Variants in MYO7B observed in about 807,000 individuals in gnomAD.
The protein encoded by MYO7B is unconventional myosin-VIIb.
In MYO7B, 212 loss-of-function variants were observed where a neutral mutation model predicts 259.7. That is an observed-to-expected ratio of 0.82 (90% CI 0.73 to 0.91). The LOEUF is 0.91. Among genes scored for constraint, MYO7B ranks in the 40% least tolerant of loss-of-function variants. The pLI, the probability that MYO7B is intolerant of heterozygous loss-of-function variation, is 0.00. For synonymous variants in MYO7B, 1,197 were observed against 1,166.4 expected (o/e 1.03, Z -0.54); for missense variants, 2,732 against 2,813.5 (o/e 0.97, Z 0.66).
rs190541461 is a variant in MYO7B, at chr2:127,581,485, C to T, written c.1081-406C>T. Among the ~76,000 whole-genome samples the T allele has an allele frequency of 9.1e-4, 139 of 152,328 alleles. 1 individual carries two copies. The highest frequency in any genetic ancestry group is 7.6e-3 in the Admixed American group (117 of 15,308). ...TGCTATTAACATTCTTCTTTTGGTT[C>T]GAGGGTACTCAGAAACTCTGGGTTT... On this transcript the variant is annotated intron_variant, in intron 10 of 47. Coordinates refer to ENST00000409816, the MANE Select transcript of MYO7B (RefSeq NM_001393586.1).
intron 1 of MYO7B, among the ~76,000 whole-genome samples, chr2:127,552,337 C>G (rs147045315): frequency 6.6e-6 from 1 of 152,114 alleles, no homozygotes; most frequent in African/African-American, 2.4e-5. Flanking sequence ...GGAAATGAAG[C>G]CAGGAGGTGG....
At chr2:127,545,483 C>T (rs984744901) in intron 1 of MYO7B, among the ~76,000 whole-genome samples, 4 of 152,214 alleles carry the variant, frequency 2.6e-5, no homozygotes, top group African/African-American at 9.6e-5. Flanking sequence ...AGTTACCTAG[C>T]CTCGAGCAGC....
chr2:127,623,090 G>C, intron 28 of MYO7B, 112 bp from the exon 29 acceptor site: 1 of 1,323,316 alleles, frequency 7.6e-7, no homozygotes, highest in Non-Finnish European at 1.0e-6. Flanking sequence ...GAACCCACGG[G>C]ATGGCAAGCA....
intron 29 of MYO7B, among the ~76,000 whole-genome samples, chr2:127,623,891 G>A (rs1464838669): frequency 6.6e-6 from 1 of 152,234 alleles, no homozygotes; most frequent in African/African-American, 2.4e-5. Flanking sequence ...TGCAGGGAGA[G>A]TAATGGGGAG....
rs1206226435 is a variant in MYO7B, at chr2:127,585,865, A to C, written c.1690+952A>C. The stretch of plus-strand genomic sequence containing the variant: ...TTTCATATGCTTCTTGGCCATTTGC[A>C]CGTCTTCTTTGGAGGGATGTCTATT... On this transcript the variant is annotated intron_variant, in intron 14 of 47. Coordinates refer to ENST00000409816, the MANE Select transcript of MYO7B (RefSeq NM_001393586.1). This position sits in a 1 kb window ranked among gnomAD's most constrained non-coding sequence, Gnocchi z 4.3. Among the ~76,000 whole-genome samples, 4 of 152,308 alleles carry C rather than the reference A, an allele frequency of 2.6e-5. No individual in the cohort carries two copies. The East Asian group carries it at 5.8e-4, about 22-fold the overall frequency.
At chr2:127,560,057 C>T (rs1468290084) in intron 2 of MYO7B, among the ~76,000 whole-genome samples, 2 of 147,024 alleles carry the variant, frequency 1.4e-5, no homozygotes, top group African/African-American at 5.1e-5. Context: ...GACAGGGTCT[C>T]ACTCTGTCAC....
Position 127,605,831 on chromosome 2 carries a change from A to C in MYO7B, c.2340-13A>C, listed in dbSNP as rs746567354. The C allele has an allele frequency of 5.0e-6, 8 of 1,612,700 alleles. No individual in the cohort carries two copies. The highest frequency in any genetic ancestry group is 2.2e-5 in the South Asian group (2 of 90,786). Reference sequence around the variant, plus strand: ...GGATTGTTACATGTGTGTGGCTTGCATTGCCCTTCTAGGAAGGAGTTCCTG... The same window carrying C: ...GGATTGTTACATGTGTGTGGCTTGCCTTGCCCTTCTAGGAAGGAGTTCCTG... On this transcript the variant is annotated splice_polypyrimidine_tract_variant and intron_variant, in intron 19 of 47. Transcript: ENST00000409816.
intron 1 of MYO7B, among the ~76,000 whole-genome samples, chr2:127,548,931 TCC>T (rs113830821): frequency 0.029 from 4,359 of 152,298 alleles, 212 homozygotes; most frequent in African/African-American, 0.099. Context: ...CTAGTTTAAT[TCC>T]ATTGTGGTCA....
chr2:127,584,059 C>A lies in MYO7B; in HGVS notation c.1344-63C>A. 1 of 1,476,740 alleles carries A rather than the reference C, an allele frequency of 6.8e-7. No individual in the cohort carries two copies. Among genetic ancestry groups the A allele is most frequent in the Non-Finnish European group, 9.3e-7 (1 of 1,077,600 alleles). 91.5% of individuals were successfully genotyped at this position (1,476,740 alleles called of 1,614,324 possible). A position where few individuals can be genotyped will look rare whatever the true frequency, so the allele number is the denominator to read the frequency against. ...ATGGCTGGTGATCCTATGGCTCCAG[C>A]CTGCTGCAGCGGGGACTCAGCTGGC... is the stretch of plus-strand genomic sequence containing the variant. On this transcript the variant is annotated intron_variant, in intron 12 of 47. Transcript: ENST00000409816. This position sits in a 1 kb window ranked among gnomAD's most constrained non-coding sequence, Gnocchi z 5.8.
chr2:127,621,917 G>A, intron 27 of MYO7B, 65 bp from the exon 28 acceptor site: 2 of 1,549,154 alleles, frequency 1.3e-6, no homozygotes, highest in Non-Finnish European at 1.7e-6. Flanking sequence ...GTCCACCTGG[G>A]TGGTGAGTAG....
At chr2:127,538,076 G>T (rs772527416) in intron 1 of MYO7B, among the ~76,000 whole-genome samples, 17 of 152,140 alleles carry the variant, frequency 1.1e-4, no homozygotes, top group Admixed American at 2.0e-4. Context: ...CAGAGGAGGC[G>T]GTCCTGGGGC....
At chr2:127,635,946 C>T in intron 44 of MYO7B, 39 bp downstream of exon 44, 2 of 1,542,966 alleles carry the variant, frequency 1.3e-6, no homozygotes, top group Non-Finnish European at 1.8e-6. Flanking sequence ...TGTGCTGCTG[C>T]TCCTCCCTGG....
chr2:127,615,352 AC>A lies in MYO7B; in HGVS notation c.3398+2750del. Among the ~76,000 whole-genome samples the A allele has an allele frequency of 6.6e-6, 1 of 152,236 alleles. No individual in the cohort carries two copies. ...CTTGAGACCATCGTTATGAGACAGA[AC>A]AAAGGGGGATGAACGTAGAAATGAA... On this transcript the variant is annotated intron_variant, in intron 26 of 47. Coordinates refer to ENST00000409816, the MANE Select transcript of MYO7B (RefSeq NM_001393586.1). This position sits in a 1 kb window ranked among gnomAD's most constrained non-coding sequence, Gnocchi z 4.4.
chr2:127,626,735 C>T lies in MYO7B; in HGVS notation c.4216-240C>T, dbSNP rs1231074974. 7.0e-6 allele frequency: 3 copies of T among 428,774 alleles called. No individual in the cohort carries two copies. In the East Asian group the frequency reaches 1.4e-4, roughly 20 times the overall value. The allele number at this position is 428,774 out of a possible 1,614,324, so 26.6% of individuals were successfully genotyped here. ...CGGAGCTTGCGGTGAGCCAAGATCGCACCACTGCACTCCAGCCTGGGTGAC... is the reference window on the plus strand; with the variant it reads ...CGGAGCTTGCGGTGAGCCAAGATCGTACCACTGCACTCCAGCCTGGGTGAC... On this transcript the variant is annotated intron_variant, in intron 31 of 47. Transcript: ENST00000409816.
rs1680285942 is a variant in MYO7B at position 127,609,347 on chromosome 2, A to C, written c.2815-159A>C. On this transcript the variant is annotated intron_variant, in intron 22 of 47. Transcript: ENST00000409816. This position sits in a 1 kb window ranked among gnomAD's most constrained non-coding sequence, Gnocchi z 6.9. ...GCCCTGTGCTGGCACACGGCAGCCC[A>C]CCTGAGCCCACTGAATGTGGGGATG... Among the ~76,000 whole-genome samples, 1 of 152,056 alleles carries C rather than the reference A, an allele frequency of 6.6e-6. No individual in the cohort carries two copies. The highest frequency in any genetic ancestry group is 1.5e-5 in the Non-Finnish European group (1 of 67,968).
chr2:127,591,024 T>A (rs1277163618), intron 16 of MYO7B, among the ~76,000 whole-genome samples: 2 of 152,002 alleles, frequency 1.3e-5, no homozygotes, highest in African/African-American at 4.8e-5. Flanking sequence ...TGCAAAAAAA[T>A]TTAAAAGTAT....
In MYO7B at chr2:127,590,200, A is replaced by G; in HGVS notation, c.1963A>G (p.Ile655Val). The G allele has an allele frequency of 6.2e-7, 1 of 1,612,970 alleles. No homozygotes were observed. Among genetic ancestry groups the G allele is most frequent in the Non-Finnish European group, 8.5e-7 (1 of 1,179,784 alleles). ...CTGCCAGCCTTACTTCATCCGCTGC[A>G]TCAAACCTAATGAGTACAAGAAGCC... ...TNCQPYFIRCIKPNEYKKPLL... is the reference protein window; with the variant it reads ...TNCQPYFIRCVKPNEYKKPLL... The change falls in exon 16 of 48, where the codon ATC (isoleucine) becomes GTC (valine). Residue 655 changes from isoleucine to valine, a missense_variant. This residue lies in a region of MYO7B where 1,906 missense variants were observed against 2,026.4 expected (regional missense o/e 0.94). Coordinates refer to ENST00000409816, the MANE Select transcript of MYO7B (RefSeq NM_001393586.1). The surrounding 1 kb of genome is among the most constrained non-coding windows in gnomAD (Gnocchi z 4.6).
In MYO7B at chr2:127,601,910, A is replaced by G. The variant is rs535521327; in HGVS notation, c.2340-3934A>G. On this transcript the variant is annotated intron_variant, in intron 19 of 47. Transcript: ENST00000409816. Reference sequence around the variant, plus strand: ...ATGAGAAAACCGTTGGTTCCATTACATATCATTTCACTCAAAGCCTGTTTC... The same window carrying G: ...ATGAGAAAACCGTTGGTTCCATTACGTATCATTTCACTCAAAGCCTGTTTC... Among the ~76,000 whole-genome samples, 4 of 152,292 alleles carry G rather than the reference A, an allele frequency of 2.6e-5. No homozygotes were observed. The South Asian group carries it at 8.3e-4, about 32-fold the overall frequency.
chr2:127,556,448 G>A (rs1693639512), intron 1 of MYO7B, among the ~76,000 whole-genome samples: 1 of 152,116 alleles, frequency 6.6e-6, no homozygotes, highest in African/African-American at 2.4e-5. Context: ...TTTGTTGCCT[G>A]TATACCTTTT....
Sources: gnomAD v4.1 joint callset for allele counts (sites outside exome capture counted in the v4.1 genomes callset) on GRCh38, gnomAD v4.1.1 for gene constraint, gnomAD v4.1.1 regional missense constraint, Gnocchi (gnomAD v3.1) non-coding constraint, MANE v1.5 for transcripts, NCBI Gene and HGNC (gene_info 2026-07-23, HGNC 2026-07-21) for gene names.